Variants in SPECC1 observed in about 807,000 individuals in gnomAD.
SPECC1 encodes the protein sperm antigen with calponin homology and coiled-coil domains 1.
SPECC1 carries 62 observed loss-of-function variants against 104.1 expected under a neutral mutation model. The observed-to-expected ratio is 0.60, with a 90% CI of 0.49 to 0.74. The LOEUF (loss-of-function observed/expected upper bound fraction) is 0.74. SPECC1 is among the 30% of genes least tolerant of loss of function. The pLI is 0.00. For synonymous variants in SPECC1, 513 were observed against 501.6 expected (o/e 1.02, Z -0.30); for missense variants, 1,306 against 1,310.5 (o/e 1.00, Z 0.05).
chr17:20,253,448 T>G, intron 9 of SPECC1, 57 bp from the exon 10 acceptor site: 3 of 1,504,518 alleles, frequency 2.0e-6, no homozygotes, highest in South Asian at 1.1e-5. Flanking sequence ...ACATCTGTGT[T>G]TGTGCTATTC....
chr17:20,156,038 G>A (rs981207763), intron 3 of SPECC1: 3 of 1,276,576 alleles, frequency 2.4e-6, no homozygotes, highest in South Asian at 4.9e-5. Flanking sequence ...CAGCGGCTCC[G>A]CCGGCAGCTG....
rs557124433 is a variant in SPECC1 at position 20,094,143 on chromosome 17, G to A, written c.-21-2488G>A. ...GGAAAACAATGATGGGAATGAAGCC[G>A]AAGATGCTCAGGAAAGGGAGTGTGG... On this transcript the variant is annotated intron_variant, in intron 1 of 14. Transcript: ENST00000395527. 5.6e-4 allele frequency among the ~76,000 whole-genome samples: 86 copies of A among 152,248 alleles called. 1 individual carries two copies. The highest frequency in any genetic ancestry group is 1.8e-3 in the African/African-American group (76 of 41,542).
At chr17:20,173,362 T>A (rs1217596447) in intron 3 of SPECC1, among the ~76,000 whole-genome samples, 2 of 152,234 alleles carry the variant, frequency 1.3e-5, no homozygotes, top group East Asian at 3.8e-4. Flanking sequence ...AAGATGGTTT[T>A]ATTATCTGTG....
intron 3 of SPECC1, among the ~76,000 whole-genome samples, chr17:20,191,897 T>A (rs2035696422): frequency 6.6e-6 from 1 of 152,180 alleles, no homozygotes; most frequent in Admixed American, 6.5e-5. Flanking sequence ...GTGAGTTGTC[T>A]ATTCAGGTGT....
intron 12 of SPECC1, among the ~76,000 whole-genome samples, chr17:20,285,133 C>A (rs2040899190): frequency 6.6e-6 from 1 of 152,136 alleles, no homozygotes. Context: ...TGTTAATAAC[C>A]AAGGCAAGGC....
At chr17:20,043,642 C>T (rs1336310647) in intron 1 of SPECC1, among the ~76,000 whole-genome samples, 1 of 152,146 alleles carries the variant, frequency 6.6e-6, no homozygotes, top group Non-Finnish European at 1.5e-5. Flanking sequence ...TTGGGCAGTT[C>T]CTTGATTTCT....
At chr17:20,299,026 AG>A (rs1240441435) in intron 13 of SPECC1, among the ~76,000 whole-genome samples, 1 of 148,900 alleles carries the variant, frequency 6.7e-6, no homozygotes, top group Non-Finnish European at 1.5e-5. Context: ...ATTTATTCTA[AG>A]GAACTAGCTC....
chr17:20,166,852 A>G (rs1382117722), intron 3 of SPECC1, among the ~76,000 whole-genome samples: 1 of 152,026 alleles, frequency 6.6e-6, no homozygotes, highest in Non-Finnish European at 1.5e-5. Context: ...CATGGTGGCA[A>G]ATGTCAACAC....
chr17:20,119,239 T>C (rs2048907313), intron 3 of SPECC1, among the ~76,000 whole-genome samples: 1 of 152,230 alleles, frequency 6.6e-6, no homozygotes, highest in African/African-American at 2.4e-5. Context: ...GCTTTTATTT[T>C]TTTAAATTTA....
At position 20,054,026 on chromosome 17, in the gene SPECC1, C is replaced by G. The variant is rs1431061275; in HGVS notation, c.-21-42605C>G. Among the ~76,000 whole-genome samples, 4 of 152,200 alleles carry G rather than the reference C, an allele frequency of 2.6e-5. No homozygotes were observed. The East Asian group carries it at 7.7e-4, about 29-fold the overall frequency. On this transcript the variant is annotated intron_variant, in intron 1 of 14. Transcript: ENST00000395527. Reference sequence around the variant, plus strand: ...GGTGATCAAGTCCTGTTATTTTCATCTAGGTATCTGTTGATTCAGCCTGTT... The same window carrying G: ...GGTGATCAAGTCCTGTTATTTTCATGTAGGTATCTGTTGATTCAGCCTGTT...
intron 1 of SPECC1, among the ~76,000 whole-genome samples, chr17:20,045,782 C>T (rs2045516757): frequency 6.6e-6 from 1 of 152,098 alleles, no homozygotes; most frequent in Non-Finnish European, 1.5e-5. Flanking sequence ...GTTTTTCCTG[C>T]TTTATCTGAG....
At chr17:20,183,690 C>T (rs1313986853) in intron 3 of SPECC1, among the ~76,000 whole-genome samples, 1 of 152,058 alleles carries the variant, frequency 6.6e-6, no homozygotes, top group Non-Finnish European at 1.5e-5. Flanking sequence ...AATGTAAATG[C>T]CGTGTCATTT....
chr17:20,136,636 T>A lies in SPECC1; in HGVS notation c.283+26074T>A, dbSNP rs185734297. ...GGAATGTGGTATCTTTCTAGAACTA[T>A]TCAGTGTGTCTGGAAGCAAAAGGAT... On this transcript the variant is annotated intron_variant, in intron 3 of 14. Coordinates refer to ENST00000395527, the MANE Select transcript of SPECC1 (RefSeq NM_001243439.2). 1.6e-3 allele frequency among the ~76,000 whole-genome samples: 239 copies of A among 152,326 alleles called. 2 individuals are homozygous for A. Among genetic ancestry groups the A allele is most frequent in the African/African-American group, 5.4e-3 (224 of 41,574 alleles).
intron 4 of SPECC1, among the ~76,000 whole-genome samples, chr17:20,216,389 CAG>C (rs1290617770): frequency 1.3e-5 from 2 of 152,194 alleles, no homozygotes; most frequent in South Asian, 2.1e-4. Flanking sequence ...TGTGAAGTGA[CAG>C]TGATTCTTTT....
intron 3 of SPECC1, among the ~76,000 whole-genome samples, chr17:20,162,809 C>A (rs1341707893): frequency 6.6e-6 from 1 of 152,204 alleles, no homozygotes; most frequent in Non-Finnish European, 1.5e-5. Flanking sequence ...GGGCGGATCA[C>A]CCGAAGTTGG....
chr17:20,220,353 C>A (rs2037797114), intron 4 of SPECC1, among the ~76,000 whole-genome samples: 1 of 152,006 alleles, frequency 6.6e-6, no homozygotes, highest in Admixed American at 6.6e-5. Flanking sequence ...TTTCTGGTGT[C>A]AATATTTTAT....
chr17:20,088,127 G>A (rs763253097), intron 1 of SPECC1, among the ~76,000 whole-genome samples: 13 of 152,328 alleles, frequency 8.5e-5, no homozygotes, highest in Non-Finnish European at 1.2e-4. Context: ...AAGCCTAGGA[G>A]CTTGGGGCTG....
intron 1 of SPECC1, among the ~76,000 whole-genome samples, chr17:20,030,993 G>C (rs2044786550): frequency 6.6e-6 from 1 of 151,964 alleles, no homozygotes; most frequent in Non-Finnish European, 1.5e-5. Context: ...TTTGCTTTTT[G>C]TTTTTGTTTT....
In SPECC1 at chr17:20,205,737, A is replaced by G; in HGVS notation, c.1688A>G (p.Gln563Arg). The G allele has an allele frequency of 2.5e-6, 4 of 1,614,242 alleles. No individual in the cohort carries two copies. Among genetic ancestry groups the G allele is most frequent in the Non-Finnish European group, 2.5e-6 (3 of 1,180,044 alleles). ...SLKSHLQGEK[Q>R]KATEASAVEQ... ...AAGTCTCATTTGCAGGGTGAGAAGC[A>G]GAAAGCCACAGAGGCCAGTGCTGTG... The change falls in exon 4 of 15, where the codon CAG becomes CGG. Residue 563 changes from glutamine (Q) to arginine (R), a missense_variant. Physicochemically the swap from Gln to Arg is conservative, Grantham distance 43. Transcript: ENST00000395527.
Sources: allele counts gnomAD v4.1 joint callset (sites outside exome capture counted in the v4.1 genomes callset), GRCh38; gene constraint gnomAD v4.1.1; transcripts MANE v1.5; gene names NCBI Gene and HGNC (gene_info 2026-07-23, HGNC 2026-07-21).